Variants in CALN1 observed in about 807,000 individuals in gnomAD.
CALN1 encodes calcium-binding protein 8.
A neutral mutation model predicts 30.6 loss-of-function variants in CALN1; 17 were observed. The ratio of observed to expected loss-of-function variants is 0.56; its 90% CI spans 0.38 to 0.83. The LOEUF (loss-of-function observed/expected upper bound fraction) is 0.83, where lower values mean the gene tolerates loss of function less well. CALN1 is among the 40% of genes least tolerant of loss of function. The pLI, the probability that CALN1 is intolerant of heterozygous loss-of-function variation, is 0.00. For synonymous variants in CALN1, 156 were observed against 131.4 expected (o/e 1.19, Z -1.28); for missense variants, 291 against 354.9 (o/e 0.82, Z 1.45).
intron 5 of CALN1, among the ~76,000 whole-genome samples, chr7:71,847,540 GATGTGGTGGTGC>G (rs1790339286): frequency 6.6e-6 from 1 of 151,672 alleles, no homozygotes; most frequent in Non-Finnish European, 1.5e-5. Context: ...AAATTATCCA[GATGTGGTGGTGC>G]ATGCCTGTAA....
chr7:72,473,744 C>T, the CALN1 span, among the ~76,000 whole-genome samples: 1 of 151,850 alleles, frequency 6.6e-6, no homozygotes, highest in East Asian at 1.9e-4. Context: ...ACCAGCCTGG[C>T]CAACGTGGCG....
chr7:72,169,752 C>T (rs1022531003), intron 3 of CALN1, among the ~76,000 whole-genome samples: 4 of 151,922 alleles, frequency 2.6e-5, no homozygotes, highest in African/African-American at 4.8e-5. Context: ...TACAATCGCG[C>T]GATCTCGGCT....
chr7:71,897,991 AAG>A (rs1793629066), intron 5 of CALN1, among the ~76,000 whole-genome samples: 1 of 110,604 alleles, frequency 9.0e-6, no homozygotes, highest in African/African-American at 4.1e-5. Flanking sequence ...AAAAAAAAAA[AAG>A]AGAGAGAGAG....
intron 2 of CALN1, among the ~76,000 whole-genome samples, chr7:72,308,390 A>G (rs1462289789): frequency 8.2e-5 from 10 of 122,140 alleles, no homozygotes; most frequent in Non-Finnish European, 1.5e-4. Context: ...AGAGAGAGAG[A>G]GAGAGAGAGA....
chr7:72,408,445 AAATT>A (rs1481950651), intron 1 of CALN1, among the ~76,000 whole-genome samples: 5 of 151,896 alleles, frequency 3.3e-5, no homozygotes, highest in African/African-American at 9.7e-5. Flanking sequence ...TCTCAGAAAA[AAATT>A]AAACACACAC....
chr7:71,867,933 T>C (rs888752368), intron 5 of CALN1, among the ~76,000 whole-genome samples: 1 of 152,352 alleles, frequency 6.6e-6, no homozygotes. Flanking sequence ...ATTTACATAT[T>C]AGAAACAGTC....
At chr7:72,193,849 C>T (rs368920706) in intron 3 of CALN1, among the ~76,000 whole-genome samples, 9 of 152,182 alleles carry the variant, frequency 5.9e-5, no homozygotes, top group East Asian at 1.9e-4. Flanking sequence ...CTAAGTGAAG[C>T]GACTCAGGGA....
intron 5 of CALN1, among the ~76,000 whole-genome samples, chr7:71,957,350 T>A (rs1045231346): frequency 2.0e-5 from 3 of 152,064 alleles, no homozygotes; most frequent in African/African-American, 7.2e-5. Context: ...AAAAACGTGA[T>A]GAAATCTGAT....
chr7:72,148,153 A>G (rs1585039989), intron 3 of CALN1, among the ~76,000 whole-genome samples: 1 of 151,606 alleles, frequency 6.6e-6, no homozygotes, highest in African/African-American at 2.4e-5. Context: ...AGAAAAAAAA[A>G]AAAGAAATAT....
At chr7:71,947,579 T>C (rs1796469490) in intron 5 of CALN1, among the ~76,000 whole-genome samples, 1 of 152,188 alleles carries the variant, frequency 6.6e-6, no homozygotes, top group Non-Finnish European at 1.5e-5. Flanking sequence ...GGAGGTTTTT[T>C]CTTCTTCTAA....
chr7:71,937,343 C>T (rs764300453), intron 5 of CALN1, among the ~76,000 whole-genome samples: 4 of 151,182 alleles, frequency 2.6e-5, no homozygotes, highest in East Asian at 1.9e-4. Context: ...AAACCCCATA[C>T]GTATTTATAT....
At chr7:71,857,161 G>A (rs1027991664) in intron 5 of CALN1, among the ~76,000 whole-genome samples, 1 of 151,734 alleles carries the variant, frequency 6.6e-6, no homozygotes, top group Non-Finnish European at 1.5e-5. Context: ...AAAGATGTAG[G>A]TCAAAAATAT....
chr7:72,390,708 T>C (rs917347672), intron 2 of CALN1, among the ~76,000 whole-genome samples: 4 of 152,204 alleles, frequency 2.6e-5, no homozygotes, highest in African/African-American at 4.8e-5. Context: ...CTTTGAAATG[T>C]TGTTTATGCT....
chr7:72,306,808 C>T (rs1799685747), intron 2 of CALN1, among the ~76,000 whole-genome samples: 1 of 152,080 alleles, frequency 6.6e-6, no homozygotes, highest in Non-Finnish European at 1.5e-5. Flanking sequence ...GTGCCCTGAC[C>T]ACCGTGGGCA....
intron 5 of CALN1, among the ~76,000 whole-genome samples, chr7:71,875,878 T>C (rs1251208038): frequency 2.0e-5 from 3 of 152,152 alleles, no homozygotes; most frequent in African/African-American, 7.2e-5. Context: ...CAGTCCACCA[T>C]GGTGAGAAAA....
chr7:72,143,141 T>C (rs531798987), intron 3 of CALN1, among the ~76,000 whole-genome samples: 10 of 151,940 alleles, frequency 6.6e-5, no homozygotes, highest in African/African-American at 1.9e-4. Context: ...CTTTGACGAG[T>C]TGAGAGAAGA....
chr7:72,404,420 T>C (rs1806560537), intron 1 of CALN1, among the ~76,000 whole-genome samples: 1 of 152,004 alleles, frequency 6.6e-6, no homozygotes, highest in Admixed American at 6.6e-5. Context: ...AAACAAACAA[T>C]AATAAAGACA....
Position 72,013,598 on chromosome 7 carries a change from G to A in CALN1, c.501+10059C>T, listed in dbSNP as rs377191662. Reference sequence around the variant, plus strand: ...TTACTGAATAATAACAGAATAGACCGTATAGCCTAATACAAACAAGTATAA... The same window carrying A: ...TTACTGAATAATAACAGAATAGACCATATAGCCTAATACAAACAAGTATAA... On this transcript the variant is annotated intron_variant, in intron 5 of 6. Transcript: ENST00000395275. Among the ~76,000 whole-genome samples, 51 of 152,044 alleles carry A rather than the reference G, an allele frequency of 3.4e-4. No homozygotes were observed. The South Asian group carries it at 7.1e-3, about 21-fold the overall frequency.
rs572778778 is a variant in CALN1 at position 71,881,160 on chromosome 7, T to C, written c.502-70668A>G. 5.3e-5 allele frequency among the ~76,000 whole-genome samples: 8 copies of C among 152,338 alleles called. No individual in the cohort carries two copies. The South Asian group carries it at 1.0e-3, about 20-fold the overall frequency. On this transcript the variant is annotated intron_variant, in intron 5 of 6. Coordinates refer to ENST00000395275, the MANE Select transcript of CALN1 (RefSeq NM_031468.4). ...TCCAAATTCTTCAGCTTTTGGACTCTTGGACTTACACCAGTGGTTTGCCAG... is the reference window on the plus strand; with the variant it reads ...TCCAAATTCTTCAGCTTTTGGACTCCTGGACTTACACCAGTGGTTTGCCAG...
Sources: allele counts gnomAD v4.1 joint callset (sites outside exome capture counted in the v4.1 genomes callset), GRCh38; gene constraint gnomAD v4.1.1; transcripts MANE v1.5; gene names NCBI Gene and HGNC (gene_info 2026-07-23, HGNC 2026-07-21).